Variants in EDRF1 observed in about 807,000 individuals in gnomAD.
The protein encoded by EDRF1 is erythroid differentiation-related factor 1.
In EDRF1, 69 loss-of-function variants were observed where a neutral mutation model predicts 148.7. That is an observed-to-expected ratio of 0.46 (90% CI 0.38 to 0.57). The LOEUF (loss-of-function observed/expected upper bound fraction) is 0.57, where lower values mean the gene tolerates loss of function less well. Among genes scored for constraint, EDRF1 ranks in the 20% least tolerant of loss-of-function variants. The pLI is 0.00. For synonymous variants in EDRF1, 515 were observed against 532.8 expected, an observed-to-expected ratio of 0.97 and a Z score of 0.46; for missense variants, 1,118 against 1,478.7, an observed-to-expected ratio of 0.76 and a Z score of 4.00.
chr10:125,743,027 T>C, intron 17 of EDRF1, 31 bp from the exon 18 acceptor site: 1 of 1,610,146 alleles, frequency 6.2e-7, no homozygotes. Context: ...ATCACATGAT[T>C]CGCATTGATG....
rs142462681 is a variant in EDRF1 at position 125,730,840 on chromosome 10, C to T, written c.1128+441C>T. Among the ~76,000 whole-genome samples the T allele has an allele frequency of 4.5e-4, 68 of 152,194 alleles. 1 individual carries two copies. Among genetic ancestry groups the T allele is most frequent in the African/African-American group, 1.6e-3 (68 of 41,516 alleles). On this transcript the variant is annotated intron_variant, in intron 9 of 24. Transcript: ENST00000356792. ...ATATTCTGTTTAGAAGACACGTATCCCCATTATAAGTGTTGGGGGAAGCTA... is the reference window on the plus strand; with the variant it reads ...ATATTCTGTTTAGAAGACACGTATCTCCATTATAAGTGTTGGGGGAAGCTA...
chr10:125,749,766 T>C (rs978313018), intron 22 of EDRF1: 49 of 621,348 alleles, frequency 7.9e-5, no homozygotes, highest in Middle Eastern at 8.8e-4. Flanking sequence ...TATTAGATTA[T>C]GTTCAGTGAC....
At chr10:125,745,468 C>G in intron 18 of EDRF1, 2 of 562,532 alleles carry the variant, frequency 3.6e-6, no homozygotes, top group South Asian at 2.1e-5. Flanking sequence ...AGGACCTGTC[C>G]TAAATACAGT....
At position 125,741,015 on chromosome 10, in the gene EDRF1, C is replaced by A. The variant is rs1848992434; in HGVS notation, c.2185C>A (p.Leu729Ile). 6.2e-7 allele frequency: 1 copy of A among 1,613,772 alleles called. No individual in the cohort carries two copies. The highest frequency in any genetic ancestry group is 1.7e-5 in the Admixed American group (1 of 60,010). ...ALQSHDTYCC[L>I]CTNMLSEVLL... Reference sequence around the variant, plus strand: ...TTTCTAAACAGATACTTATTGCTGCCTCTGCACCAATATGCTTTCCGAAGT... The same window carrying A: ...TTTCTAAACAGATACTTATTGCTGCATCTGCACCAATATGCTTTCCGAAGT... Residue 729 changes from leucine (L) to isoleucine (I), a missense_variant, in exon 17 of 25, where the codon CTC becomes ATC. By Grantham distance (5) the Leu-to-Ile change is conservative. Coordinates refer to ENST00000356792, the MANE Select transcript of EDRF1 (RefSeq NM_001202438.2).
chr10:125,733,421 G>T lies in EDRF1; in HGVS notation c.1146G>T (p.Lys382Asn). The T allele has an allele frequency of 6.3e-7, 1 of 1,579,692 alleles. No homozygotes were observed. Among genetic ancestry groups the T allele is most frequent in the East Asian group, 2.3e-5 (1 of 44,206 alleles). Reference sequence around the variant, plus strand: ...TTTTACAGAAATATGAAATGATAAAGACAGAAGAAATTCCCAATTTGGAAA... The same window carrying T: ...TTTTACAGAAATATGAAATGATAAATACAGAAGAAATTCCCAATTTGGAAA... ...NGIVQKYEMIKTEEIPNLENS... is the reference protein window; with the variant it reads ...NGIVQKYEMINTEEIPNLENS... The change falls in exon 10 of 25, where the codon AAG becomes AAT. Residue 382 changes from lysine (K) to asparagine (N), a missense_variant. Transcript: ENST00000356792.
intron 22 of EDRF1, among the ~76,000 whole-genome samples, chr10:125,750,728 T>C (rs909965509): frequency 1.3e-5 from 2 of 152,226 alleles, no homozygotes; most frequent in East Asian, 3.8e-4. Flanking sequence ...GTATTACCTA[T>C]CTAAAACAGT....
Position 125,743,277 on chromosome 10 carries a change from G to A in EDRF1, c.2590+1G>A. 6.2e-7 allele frequency: 1 copy of A among 1,606,548 alleles called. No homozygotes were observed. Among genetic ancestry groups the A allele is most frequent in the Non-Finnish European group, 8.5e-7 (1 of 1,173,388 alleles). On this transcript the variant is annotated splice_donor_variant, in intron 18 of 24. Transcript: ENST00000356792. LOFTEE classifies it high-confidence loss of function. ...GCTGCATTACAGAGTGAGAGACTAG[G>A]TGAGTATCTCTTTAGATTCCTCTCT...
At chr10:125,731,337 C>G (rs968815098) in intron 9 of EDRF1, among the ~76,000 whole-genome samples, 1 of 152,150 alleles carries the variant, frequency 6.6e-6, no homozygotes, top group African/African-American at 2.4e-5. Context: ...GTGAGCACTT[C>G]CATTCAGGTC....
chr10:125,747,764 CTG>C, intron 20 of EDRF1, 70 bp downstream of exon 20: 1 of 1,610,154 alleles, frequency 6.2e-7, no homozygotes, highest in Non-Finnish European at 8.5e-7. Flanking sequence ...TATTTAGCGT[CTG>C]TTGTCTTTTC....
Position 125,740,508 on chromosome 10 carries a change from T to C in EDRF1, c.2027T>C (p.Ile676Thr), listed in dbSNP as rs746280019. The C allele has an allele frequency of 1.2e-6, 2 of 1,614,056 alleles. No homozygotes were observed. Among genetic ancestry groups the C allele is most frequent in the Admixed American group, 1.7e-5 (1 of 59,992 alleles). ...KGNYSSQSGM[I>T]PGSWQHKMKL... ...AATTATTCCAGTCAATCTGGAATGA[T>C]CCCTGGCTCTTGGCAACATAAAATG... The change falls in exon 16 of 25, where the codon ATC (isoleucine) becomes ACC (threonine). Residue 676 changes from isoleucine (I) to threonine (T), a missense_variant. By Grantham distance (89) the Ile-to-Thr change is moderately conservative. Around this residue, in one of 3 missense-constraint regions of EDRF1, gnomAD observed 954 missense variants for 1,241.4 expected, o/e 0.77. Transcript: ENST00000356792.
chr10:125,749,474 C>T lies in EDRF1; in HGVS notation c.3186C>T (p.Ala1062=), dbSNP rs201597581. ...TGGCAGATCTTCATTACAGCAAGGCCGCAAAGCTGTTTCAGCTGCTGAAAG... is the reference window on the plus strand; with the variant it reads ...TGGCAGATCTTCATTACAGCAAGGCTGCAAAGCTGTTTCAGCTGCTGAAAG... ...RVLADLHYSK[A]AKLFQLLKDA... The change falls in exon 22 of 25, where the codon GCC becomes GCT. Residue 1062 remains alanine, a synonymous_variant. Coordinates refer to ENST00000356792, the MANE Select transcript of EDRF1 (RefSeq NM_001202438.2). The T allele has an allele frequency of 2.8e-5, 45 of 1,613,970 alleles. 1 individual carries two copies. In the African/African-American group the frequency reaches 3.3e-4, roughly 12 times the overall value.
intron 6 of EDRF1, among the ~76,000 whole-genome samples, chr10:125,726,514 C>A (rs1210047778): frequency 6.6e-6 from 1 of 152,176 alleles, no homozygotes; most frequent in African/African-American, 2.4e-5. Context: ...TAAATTGTGA[C>A]ATGTCTATTT....
At position 125,747,982 on chromosome 10, in the gene EDRF1, C is replaced by T. The variant is rs1319275454; in HGVS notation, c.3093C>T (p.Ala1031=). The change falls in exon 21 of 25, where the codon GCC becomes GCT. Residue 1031 remains alanine (A), a synonymous_variant. Coordinates refer to ENST00000356792, the MANE Select transcript of EDRF1 (RefSeq NM_001202438.2). ...CTGCAACCATCCATCACAGGCTGGC[C>T]TCCATGTACCACAGCTGTCTGAGGA... The part of the protein sequence containing the change: ...YRAATIHHRL[A]SMYHSCLRNQ... The T allele has an allele frequency of 3.1e-6, 5 of 1,614,186 alleles. No homozygotes were observed. Among genetic ancestry groups the T allele is most frequent in the Non-Finnish European group, 4.2e-6 (5 of 1,180,028 alleles).
At chr10:125,736,545 A>C (rs1397472902) in intron 13 of EDRF1, among the ~76,000 whole-genome samples, 3 of 152,148 alleles carry the variant, frequency 2.0e-5, no homozygotes, top group Non-Finnish European at 4.4e-5. Flanking sequence ...ACTGAAATAC[A>C]GTCGTATTTA....
At chr10:125,761,863 T>C (rs1190070468) in intron 24 of EDRF1, among the ~76,000 whole-genome samples, 2 of 152,258 alleles carry the variant, frequency 1.3e-5, no homozygotes, top group Non-Finnish European at 2.9e-5. Context: ...AAATGCCTTT[T>C]CTAATTGTTA....
intron 18 of EDRF1, chr10:125,745,397 C>G (rs973585780): frequency 1.8e-5 from 7 of 380,810 alleles, no homozygotes; most frequent in African/African-American, 1.0e-4. Flanking sequence ...AAAAGGACAC[C>G]AGTCATACTG....
chr10:125,740,615 G>A lies in EDRF1; in HGVS notation c.2134G>A (p.Ala712Thr). ...CATGAGTCTTCAGAAATACGGAAGA[G>A]CATTACGATACATTAAATTAGCTTT... ...AAMSLQKYGRALRYIKLALQS... is the reference protein window; with the variant it reads ...AAMSLQKYGRTLRYIKLALQS... Residue 712 changes from alanine to threonine, a missense_variant, in exon 16 of 25, where the codon GCA becomes ACA. By Grantham distance (58) the Ala-to-Thr change is moderately conservative. Around this residue, in one of 3 missense-constraint regions of EDRF1, gnomAD observed 954 missense variants for 1,241.4 expected, o/e 0.77. Coordinates refer to ENST00000356792, the MANE Select transcript of EDRF1 (RefSeq NM_001202438.2). The A allele has an allele frequency of 6.2e-7, 1 of 1,614,002 alleles. No homozygotes were observed. Among genetic ancestry groups the A allele is most frequent in the Non-Finnish European group, 8.5e-7 (1 of 1,180,014 alleles).
rs950499734 is a variant in EDRF1 at position 125,725,788 on chromosome 10, C to G, written c.742C>G (p.Pro248Ala). The G allele has an allele frequency of 4.3e-6, 7 of 1,613,842 alleles. No individual in the cohort carries two copies. In the African/African-American group the frequency reaches 5.3e-5, roughly 12 times the overall value. The change falls in exon 6 of 25, where the codon CCC becomes GCC. Residue 248 changes from proline (P) to alanine (A), a missense_variant. By Grantham distance (27) the Pro-to-Ala change is conservative. Coordinates refer to ENST00000356792, the MANE Select transcript of EDRF1 (RefSeq NM_001202438.2). Reference protein sequence around the residue: ...NDSEGASWPAPFEMPSSVSED... With the variant: ...NDSEGASWPAAFEMPSSVSED... ...TTCGGAAGGGGCTTCATGGCCTGCTCCCTTCGAAATGCCTTCTTCAGTTTC... is the reference window on the plus strand; with the variant it reads ...TTCGGAAGGGGCTTCATGGCCTGCTGCCTTCGAAATGCCTTCTTCAGTTTC...
intron 4 of EDRF1, among the ~76,000 whole-genome samples, chr10:125,724,154 T>G (rs1196823198): frequency 6.6e-6 from 1 of 152,172 alleles, no homozygotes; most frequent in Non-Finnish European, 1.5e-5. Flanking sequence ...ACAGCCAGAT[T>G]CTTTTTTACA....
Sources: allele counts gnomAD v4.1 joint callset (sites outside exome capture counted in the v4.1 genomes callset), GRCh38; gene constraint gnomAD v4.1.1; regional missense constraint gnomAD v4.1.1; transcripts MANE v1.5; gene names NCBI Gene and HGNC (gene_info 2026-07-23, HGNC 2026-07-21).